PRR16: variants seen among roughly 807,000 people sequenced by gnomAD.
The protein encoded by PRR16 is protein Largen.
In PRR16, 6 loss-of-function variants were observed where a neutral mutation model predicts 18.2. That is an observed-to-expected ratio of 0.33 (90% CI 0.18 to 0.65). PRR16 has a LOEUF of 0.65. Among genes scored for constraint, PRR16 ranks in the 30% least tolerant of loss-of-function variants. The pLI is 0.74. For synonymous variants in PRR16, 151 were observed against 147.8 expected, an observed-to-expected ratio of 1.02 and a Z score of -0.16; for missense variants, 412 against 376.6, an observed-to-expected ratio of 1.09 and a Z score of -0.78.
In PRR16 at chr5:120,685,956, G is replaced by T; in HGVS notation, c.162G>T (p.Val54=). ...LKDVAKELKE[V]VDQIDTLTSD... The stretch of plus-strand genomic sequence containing the variant: ...AATTACCTTGTCCTTTCCACTAGGT[G>T]GTTGACCAGATTGACACCCTGACCT... Residue 54 remains valine, a splice_region_variant and synonymous_variant, in exon 2 of 2, where the codon GTG becomes GTT. Coordinates refer to ENST00000407149, the MANE Select transcript of PRR16 (RefSeq NM_001300783.2). 6.2e-7 allele frequency: 1 copy of T among 1,611,960 alleles called. No homozygotes were observed. Among genetic ancestry groups the T allele is most frequent in the Non-Finnish European group, 8.5e-7 (1 of 1,178,690 alleles).
At chr5:120,521,707 A>G (rs1396372200) in intron 1 of PRR16, among the ~76,000 whole-genome samples, 2 of 152,122 alleles carry the variant, frequency 1.3e-5, no homozygotes, top group East Asian at 3.9e-4. Context: ...GTTCTAGGGT[A>G]TGTGTGCACA....
intron 1 of PRR16, among the ~76,000 whole-genome samples, chr5:120,475,226 C>T (rs1303025551): frequency 6.6e-6 from 1 of 152,114 alleles, no homozygotes; most frequent in African/African-American, 2.4e-5. Context: ...GATATTTCCC[C>T]CTTTAAGCTG....
chr5:120,703,394 G>T, the PRR16 span, among the ~76,000 whole-genome samples: 1 of 152,322 alleles, frequency 6.6e-6, no homozygotes, highest in South Asian at 2.1e-4. Flanking sequence ...GGCTTGGCTT[G>T]GGCTCAGAGG....
the PRR16 span, among the ~76,000 whole-genome samples, chr5:120,765,436 A>G: frequency 6.6e-6 from 1 of 152,092 alleles, no homozygotes; most frequent in Non-Finnish European, 1.5e-5. Context: ...AGATTGCATC[A>G]CATAAACTGT....
intron 1 of PRR16, among the ~76,000 whole-genome samples, chr5:120,574,730 T>G (rs1486580287): frequency 6.7e-6 from 1 of 149,238 alleles, no homozygotes; most frequent in Non-Finnish European, 1.5e-5. Flanking sequence ...TAAACTAAAA[T>G]TATTAAAAAA....
chr5:120,707,309 A>T, the PRR16 span, among the ~76,000 whole-genome samples: 1 of 152,040 alleles, frequency 6.6e-6, no homozygotes, highest in Non-Finnish European at 1.5e-5. Context: ...CATAATTCTA[A>T]TATGTTCCAT....
chr5:120,744,293 A>G, the PRR16 span, among the ~76,000 whole-genome samples: 1 of 152,102 alleles, frequency 6.6e-6, no homozygotes. Context: ...CATGGGGTGG[A>G]GTCTTCTCAC....
the PRR16 span, among the ~76,000 whole-genome samples, chr5:120,777,574 G>A: frequency 6.6e-6 from 1 of 151,312 alleles, no homozygotes; most frequent in Non-Finnish European, 1.5e-5. Flanking sequence ...ATTTCTCCAG[G>A]TTTTATTATC....
At chr5:120,779,994 G>T in the PRR16 span, among the ~76,000 whole-genome samples, 1 of 152,100 alleles carries the variant, frequency 6.6e-6, no homozygotes, top group African/African-American at 2.4e-5. Context: ...GGAAATAAAT[G>T]AACATTGCAT....
chr5:120,734,993 T>C, the PRR16 span, among the ~76,000 whole-genome samples: 1 of 152,212 alleles, frequency 6.6e-6, no homozygotes, highest in Non-Finnish European at 1.5e-5. Context: ...AAGCTGAAAC[T>C]ATGGCCATTG....
chr5:120,759,376 TTA>T, the PRR16 span, among the ~76,000 whole-genome samples: 34 of 152,126 alleles, frequency 2.2e-4, no homozygotes, highest in Non-Finnish European at 3.8e-4. Flanking sequence ...AACATTTATC[TTA>T]TAGAGATTTG....
chr5:120,611,807 G>A (rs958875550), intron 1 of PRR16, among the ~76,000 whole-genome samples: 3 of 152,208 alleles, frequency 2.0e-5, no homozygotes, highest in African/African-American at 4.8e-5. Flanking sequence ...CCCTACTGGG[G>A]CAATGCCTAG....
the PRR16 span, among the ~76,000 whole-genome samples, chr5:120,754,710 A>G: frequency 6.9e-6 from 1 of 144,546 alleles, no homozygotes; most frequent in Admixed American, 7.4e-5. Context: ...TAACTAAAAC[A>G]TAAGCAAAAT....
At chr5:120,746,121 A>G in the PRR16 span, among the ~76,000 whole-genome samples, 1 of 147,522 alleles carries the variant, frequency 6.8e-6, no homozygotes, top group East Asian at 1.9e-4. Flanking sequence ...TTTTTTCTAA[A>G]AGCTTTTTTT....
chr5:120,482,524 C>T (rs956217567), intron 1 of PRR16, among the ~76,000 whole-genome samples: 7 of 152,100 alleles, frequency 4.6e-5, no homozygotes, highest in Admixed American at 2.0e-4. Context: ...TTTATCCATT[C>T]CACCATTGAT....
At chr5:120,660,823 G>C (rs1355105278) in intron 1 of PRR16, among the ~76,000 whole-genome samples, 1 of 152,022 alleles carries the variant, frequency 6.6e-6, no homozygotes, top group African/African-American at 2.4e-5. Context: ...ATAGTATTTA[G>C]TGATTATGGA....
the PRR16 span, among the ~76,000 whole-genome samples, chr5:120,696,954 G>C: frequency 7.5e-6 from 1 of 133,634 alleles, no homozygotes; most frequent in East Asian, 2.3e-4. Context: ...AATATATTGT[G>C]CTTAAAATTT....
chr5:120,738,892 T>C, the PRR16 span, among the ~76,000 whole-genome samples: 1 of 152,180 alleles, frequency 6.6e-6, no homozygotes, highest in Admixed American at 6.5e-5. Context: ...AGGAACTGGC[T>C]GGATCAAATA....
chr5:120,702,392 C>A, the PRR16 span, among the ~76,000 whole-genome samples: 14 of 151,594 alleles, frequency 9.2e-5, no homozygotes, highest in African/African-American at 3.4e-4. Context: ...GTGGGACTTG[C>A]CGCTAAGAGT....
Sources: allele counts gnomAD v4.1 joint callset (sites outside exome capture counted in the v4.1 genomes callset), GRCh38; gene constraint gnomAD v4.1.1; transcripts MANE v1.5; gene names NCBI Gene and HGNC (gene_info 2026-07-23, HGNC 2026-07-21).